SLC41A2: variants seen among roughly 807,000 people sequenced by gnomAD.
SLC41A2 encodes the protein SLC41A1-like 1.
In SLC41A2, 32 loss-of-function variants were observed where a neutral mutation model predicts 58.3. The ratio of observed to expected loss-of-function variants is 0.55; its 90% confidence interval spans 0.41 to 0.74. SLC41A2 has a LOEUF of 0.74. Among genes scored for constraint, SLC41A2 ranks in the 30% least tolerant of loss-of-function variants. SLC41A2 has a pLI of 0.00. For missense variants in SLC41A2, 514 were observed against 680.6 expected (o/e 0.76, Z 2.72); for synonymous variants, 190 against 235.0 (o/e 0.81, Z 1.75).
At chr12:104,855,652 C>T (rs1242676544) in intron 8 of SLC41A2, among the ~76,000 whole-genome samples, 1 of 152,118 alleles carries the variant, frequency 6.6e-6, no homozygotes, top group Admixed American at 6.5e-5. Flanking sequence ...AAATGACTTC[C>T]TGATCACTGA....
chr12:104,836,109 G>A (rs1028971725), intron 10 of SLC41A2, among the ~76,000 whole-genome samples: 1 of 152,214 alleles, frequency 6.6e-6, no homozygotes, highest in Non-Finnish European at 1.5e-5. Flanking sequence ...CTCCCAAAAT[G>A]CTGGGATTAG....
intron 3 of SLC41A2, among the ~76,000 whole-genome samples, chr12:104,900,142 C>T (rs1036987602): frequency 2.0e-5 from 3 of 152,110 alleles, no homozygotes; most frequent in African/African-American, 4.8e-5. Flanking sequence ...TTCCCTCAGG[C>T]GAAAACATCA....
chr12:104,891,573 T>C (rs1416778278), intron 4 of SLC41A2, among the ~76,000 whole-genome samples: 3 of 150,874 alleles, frequency 2.0e-5, no homozygotes, highest in South Asian at 2.1e-4. Context: ...TACCCCTGCA[T>C]AGATTTCTAC....
At chr12:104,957,635 G>A (rs945968249) in intron 1 of SLC41A2, among the ~76,000 whole-genome samples, 3 of 152,220 alleles carry the variant, frequency 2.0e-5, no homozygotes, top group African/African-American at 7.2e-5. Context: ...GAGCATTTGG[G>A]CTTTTAAATT....
intron 1 of SLC41A2, among the ~76,000 whole-genome samples, chr12:104,952,513 G>C (rs2047994057): frequency 6.6e-6 from 1 of 152,148 alleles, no homozygotes; most frequent in South Asian, 2.1e-4. Flanking sequence ...GGTACCCAAA[G>C]AGACCTTTTT....
At chr12:104,822,763 A>G (rs1456994470) in intron 10 of SLC41A2, among the ~76,000 whole-genome samples, 1 of 152,134 alleles carries the variant, frequency 6.6e-6, no homozygotes, top group Non-Finnish European at 1.5e-5. Flanking sequence ...TGAGTAATAG[A>G]TATCTCTAGA....
intron 1 of SLC41A2, among the ~76,000 whole-genome samples, chr12:104,932,624 C>CAAAAAGAAA (rs2047100702): frequency 2.2e-5 from 1 of 46,068 alleles, no homozygotes. Context: ...GACTTTGTCT[C>CAAAAAGAAA]AAAAAAAAAA....
chr12:104,861,499 A>G, intron 7 of SLC41A2, 129 bp from the exon 8 acceptor site: 1 of 536,476 alleles, frequency 1.9e-6, no homozygotes, highest in East Asian at 3.1e-5. Context: ...AGCAAAAATA[A>G]AAATATTCAA....
In SLC41A2 at chr12:104,928,094, A is replaced by G; in HGVS notation, c.434T>C (p.Val145Ala). 1.2e-6 allele frequency: 2 copies of G among 1,614,228 alleles called. No homozygotes were observed. The highest frequency in any genetic ancestry group is 1.7e-6 in the Non-Finnish European group (2 of 1,180,036). Residue 145 changes from valine (V) to alanine (A), a missense_variant, in exon 2 of 11, where the codon GTA (valine) becomes GCA (alanine). Around this residue, in one of 3 missense-constraint regions of SLC41A2, gnomAD observed 336 missense variants for 430.0 expected, o/e 0.78. Coordinates refer to ENST00000258538, the MANE Select transcript of SLC41A2 (RefSeq NM_001352171.3). The stretch of plus-strand genomic sequence containing the variant: ...CTTTGGTAATTTTGGGGTCACTTCT[A>G]CAATAGCATCTTCATCACCATCACT... ...ISSDGDEDAIVEVTPKLPKES... is the reference protein window; with the variant it reads ...ISSDGDEDAIAEVTPKLPKES...
At position 104,859,011 on chromosome 12, in the gene SLC41A2, T is replaced by C. The variant is rs559505883; in HGVS notation, c.1255+2280A>G. 3.7e-3 allele frequency among the ~76,000 whole-genome samples: 569 copies of C among 152,332 alleles called. 3 individuals are homozygous for C. The highest frequency in any genetic ancestry group is 6.1e-3 in the Non-Finnish European group (417 of 68,028). Reference sequence around the variant, plus strand: ...TTGTTTAATATAGCTCTAACAGTCATTATGAGTAATGTTTATGCTAATGAA... The same window carrying C: ...TTGTTTAATATAGCTCTAACAGTCACTATGAGTAATGTTTATGCTAATGAA... On this transcript the variant is annotated intron_variant, in intron 8 of 10. Transcript: ENST00000258538.
intron 8 of SLC41A2, among the ~76,000 whole-genome samples, chr12:104,854,934 G>A (rs2042968153): frequency 6.6e-6 from 1 of 152,102 alleles, no homozygotes; most frequent in Non-Finnish European, 1.5e-5. Context: ...ACCACAGTGA[G>A]ATAAGGGGTT....
chr12:104,880,672 G>C (rs2044318198), intron 6 of SLC41A2, among the ~76,000 whole-genome samples: 1 of 152,206 alleles, frequency 6.6e-6, no homozygotes, highest in Middle Eastern at 3.2e-3. Flanking sequence ...AAGCCAACTT[G>C]ATTATGGTGG....
At chr12:104,927,635 C>T (rs2046895846) in intron 2 of SLC41A2, among the ~76,000 whole-genome samples, 1 of 151,974 alleles carries the variant, frequency 6.6e-6, no homozygotes, top group South Asian at 2.1e-4. Context: ...TGTTTGAAGT[C>T]ATTTTAATGA....
At chr12:104,926,687 A>C (rs2135877287) in intron 2 of SLC41A2, among the ~76,000 whole-genome samples, 1 of 152,328 alleles carries the variant, frequency 6.6e-6, no homozygotes, top group African/African-American at 2.4e-5. Context: ...ACAGAAAAAG[A>C]ATGGCCAATA....
chr12:104,831,543 C>T (rs1346204059), intron 10 of SLC41A2, among the ~76,000 whole-genome samples: 1 of 152,004 alleles, frequency 6.6e-6, no homozygotes, highest in African/African-American at 2.4e-5. Flanking sequence ...ATATTGTATC[C>T]CCATTGTTAA....
intron 5 of SLC41A2, among the ~76,000 whole-genome samples, chr12:104,887,033 T>C (rs887462230): frequency 6.6e-6 from 1 of 152,026 alleles, no homozygotes; most frequent in Non-Finnish European, 1.5e-5. Context: ...TCTATAAACC[T>C]ACGAGAGAAT....
At chr12:104,916,954 A>G (rs2046350057) in intron 2 of SLC41A2, among the ~76,000 whole-genome samples, 1 of 151,164 alleles carries the variant, frequency 6.6e-6, no homozygotes, top group South Asian at 2.1e-4. Flanking sequence ...CAATGGCAAC[A>G]AAAGCCAAAA....
At chr12:104,935,989 G>C (rs2047251588) in intron 1 of SLC41A2, among the ~76,000 whole-genome samples, 1 of 151,654 alleles carries the variant, frequency 6.6e-6, no homozygotes, top group Non-Finnish European at 1.5e-5. Context: ...GTTGCAGTGA[G>C]CCAAGGTTAC....
intron 10 of SLC41A2, among the ~76,000 whole-genome samples, chr12:104,808,414 A>G (rs1247614165): frequency 2.0e-5 from 3 of 152,206 alleles, no homozygotes; most frequent in Non-Finnish European, 2.9e-5. Context: ...CCAGGGATGA[A>G]GCCCACTTGA....
Sources: gnomAD v4.1 joint callset for allele counts (sites outside exome capture counted in the v4.1 genomes callset) on GRCh38, gnomAD v4.1.1 for gene constraint, gnomAD v4.1.1 regional missense constraint, MANE v1.5 for transcripts, NCBI Gene and HGNC (gene_info 2026-07-23, HGNC 2026-07-21) for gene names.